CELF2: variants seen among roughly 807,000 people sequenced by gnomAD.
The protein encoded by CELF2 is CUGBP Elav-like family member 2, also known as CUG triplet repeat RNA-binding protein 2.
In CELF2, 8 loss-of-function variants were observed where a neutral mutation model predicts 62.6. The observed-to-expected ratio is 0.13, with a 90% CI of 0.07 to 0.23. The LOEUF (loss-of-function observed/expected upper bound fraction) is 0.23. CELF2 is among the 10% of genes least tolerant of loss of function. CELF2 has a pLI of 1.00. For synonymous variants in CELF2, 258 were observed against 250.0 expected, an observed-to-expected ratio of 1.03 and a Z score of -0.30; for missense variants, 333 against 671.0, an observed-to-expected ratio of 0.50 and a Z score of 5.56.
At chr10:10,839,181 C>A (rs768861820) in intron 1 of CELF2, among the ~76,000 whole-genome samples, 6 of 152,058 alleles carry the variant, frequency 3.9e-5, no homozygotes, top group Non-Finnish European at 2.9e-5. Flanking sequence ...AAGACCTGGA[C>A]ACGAGGTGTG....
At chr10:11,088,100 A>T (rs1480866854) in intron 1 of CELF2, among the ~76,000 whole-genome samples, 2 of 152,176 alleles carry the variant, frequency 1.3e-5, no homozygotes, top group African/African-American at 4.8e-5. Flanking sequence ...TCAGTAGAGG[A>T]GGTGAGAGGC....
At chr10:10,532,932 T>G in the CELF2 span, among the ~76,000 whole-genome samples, 1 of 151,732 alleles carries the variant, frequency 6.6e-6, no homozygotes, top group Admixed American at 6.6e-5. Flanking sequence ...GAAGACATCT[T>G]GCAAATATTG....
At chr10:10,565,840 A>G in the CELF2 span, among the ~76,000 whole-genome samples, 2 of 152,224 alleles carry the variant, frequency 1.3e-5, no homozygotes, top group Non-Finnish European at 2.9e-5. Flanking sequence ...TTTTGCATTT[A>G]CTTTATTTAG....
At chr10:10,563,549 A>G in the CELF2 span, among the ~76,000 whole-genome samples, 2 of 149,180 alleles carry the variant, frequency 1.3e-5, no homozygotes, top group African/African-American at 4.9e-5. Context: ...CGGAGGTTGC[A>G]GTGAGCCAAG....
chr10:10,826,282 G>A (rs1437624014), intron 1 of CELF2, among the ~76,000 whole-genome samples: 1 of 152,148 alleles, frequency 6.6e-6, no homozygotes, highest in African/African-American at 2.4e-5. Flanking sequence ...CATGGAGGCT[G>A]TGTAACCTGC....
At chr10:10,839,572 A>G (rs544494080) in intron 1 of CELF2, among the ~76,000 whole-genome samples, 2 of 152,332 alleles carry the variant, frequency 1.3e-5, no homozygotes, top group African/African-American at 4.8e-5. Context: ...TTGGCCTTAC[A>G]TATTTCACTC....
the CELF2 span, among the ~76,000 whole-genome samples, chr10:10,594,771 A>G: frequency 6.6e-6 from 1 of 152,192 alleles, no homozygotes; most frequent in Admixed American, 6.5e-5. Flanking sequence ...TGGGGTCACT[A>G]GAAGAATTCA....
the CELF2 span, among the ~76,000 whole-genome samples, chr10:10,745,162 G>A: frequency 2.5e-4 from 38 of 150,692 alleles, no homozygotes; most frequent in African/African-American, 9.3e-4. Context: ...AAACTGAAGA[G>A]ACATTTGAAA....
At chr10:10,875,722 G>T (rs558740043) in intron 1 of CELF2, among the ~76,000 whole-genome samples, 2 of 152,122 alleles carry the variant, frequency 1.3e-5, no homozygotes, top group African/African-American at 4.8e-5. Context: ...TTCTCTAAAA[G>T]CTTGATAAAG....
the CELF2 span, among the ~76,000 whole-genome samples, chr10:10,649,776 C>T: frequency 6.6e-6 from 1 of 152,150 alleles, no homozygotes; most frequent in South Asian, 2.1e-4. Context: ...TGCAGAAGGA[C>T]CCGCGTGTAG....
chr10:10,527,455 A>AAAC, the CELF2 span, among the ~76,000 whole-genome samples: 1 of 149,148 alleles, frequency 6.7e-6, no homozygotes, highest in Non-Finnish European at 1.5e-5. Context: ...TCAAAAAAAA[A>AAAC]AAAAAAAGTA....
At chr10:10,653,708 A>G in the CELF2 span, among the ~76,000 whole-genome samples, 57,352 of 139,810 alleles carry the variant, frequency 0.41, 11,784 homozygotes, top group South Asian at 0.64. Context: ...TCTGGGATGC[A>G]TTCAAAGCAG....
intron 1 of CELF2, among the ~76,000 whole-genome samples, chr10:10,907,184 C>T (rs1341103456): frequency 6.6e-6 from 1 of 152,106 alleles, no homozygotes; most frequent in Non-Finnish European, 1.5e-5. Context: ...GCAACAGGCC[C>T]TAGAGATTTA....
At chr10:10,771,030 G>T in the CELF2 span, among the ~76,000 whole-genome samples, 1 of 152,136 alleles carries the variant, frequency 6.6e-6, no homozygotes, top group Non-Finnish European at 1.5e-5. Flanking sequence ...ACAGATCCTT[G>T]GGAAAGAGAT....
At chr10:10,618,853 A>G in the CELF2 span, among the ~76,000 whole-genome samples, 1 of 152,104 alleles carries the variant, frequency 6.6e-6, no homozygotes. Flanking sequence ...TTCTGGTTCC[A>G]TGGTGAAATA....
At chr10:11,166,320 G>A (rs2067167514) in intron 2 of CELF2, among the ~76,000 whole-genome samples, 2 of 152,194 alleles carry the variant, frequency 1.3e-5, no homozygotes, top group South Asian at 4.1e-4. Flanking sequence ...GCCCTTATCA[G>A]TGTGGAGATG....
chr10:10,683,114 C>T, the CELF2 span, among the ~76,000 whole-genome samples: 5 of 152,294 alleles, frequency 3.3e-5, no homozygotes, highest in South Asian at 2.1e-4. Flanking sequence ...TAATTTAACA[C>T]GGGACATTTT....
chr10:10,840,786 G>A (rs1318457136), intron 1 of CELF2, among the ~76,000 whole-genome samples: 1 of 152,006 alleles, frequency 6.6e-6, no homozygotes, highest in African/African-American at 2.4e-5. Context: ...AACCTGTATT[G>A]TAGGTTTTCA....
intron 1 of CELF2, among the ~76,000 whole-genome samples, chr10:11,073,310 C>T (rs1471248623): frequency 6.6e-6 from 1 of 152,146 alleles, no homozygotes; most frequent in Non-Finnish European, 1.5e-5. Flanking sequence ...TTTGGTGGCA[C>T]TTAAGCCCTC....
Sources: allele counts gnomAD v4.1 joint callset (sites outside exome capture counted in the v4.1 genomes callset), GRCh38; gene constraint gnomAD v4.1.1; transcripts MANE v1.5; gene names NCBI Gene and HGNC (gene_info 2026-07-23, HGNC 2026-07-21).